AP4E1: variants seen among roughly 807,000 people sequenced by gnomAD.
AP4E1 encodes adaptor related protein complex 4 subunit epsilon 1.
Under a neutral mutation model 128.2 loss-of-function variants are expected in AP4E1, and 56 were observed. The observed-to-expected ratio is 0.44, with a 90% CI of 0.35 to 0.55. AP4E1 has a LOEUF of 0.55. Among genes scored for constraint, AP4E1 ranks in the 20% least tolerant of loss-of-function variants. The probability of loss-of-function intolerance (pLI) is 0.00; values close to 1 mark genes in which losing one functional copy is unlikely to be tolerated. For synonymous variants in AP4E1, 484 were observed against 473.1 expected, an observed-to-expected ratio of 1.02 and a Z score of -0.30; for missense variants, 1,324 against 1,307.7, an observed-to-expected ratio of 1.01 and a Z score of -0.19.
rs1009423198 is a variant in AP4E1, at chr15:51,005,200, G to C, written c.*2538G>C. ...TGCGCCCGGCCAAATTATTTTTGTGGGTAGATTCATTCTCTTTACCTAATA... is the reference window on the plus strand; with the variant it reads ...TGCGCCCGGCCAAATTATTTTTGTGCGTAGATTCATTCTCTTTACCTAATA... On this transcript the variant is annotated 3_prime_UTR_variant, in exon 21 of 21. Transcript: ENST00000261842. The C allele has an allele frequency of 6.6e-6, 1 of 152,250 alleles. No individual in the cohort carries two copies. Among genetic ancestry groups the C allele is most frequent in the Admixed American group, 6.6e-5 (1 of 15,266 alleles). The allele number at this position is 152,250 out of a possible 1,614,324, so 9.4% of individuals were successfully genotyped here.
intron 3 of AP4E1, among the ~76,000 whole-genome samples, chr15:50,916,863 T>C (rs2063637223): frequency 6.6e-6 from 1 of 152,230 alleles, no homozygotes; most frequent in Non-Finnish European, 1.5e-5. Flanking sequence ...ATTAATGTCT[T>C]AGCTCCTGAA....
chr15:50,957,385 C>T (rs2064238703), intron 13 of AP4E1, among the ~76,000 whole-genome samples: 1 of 152,146 alleles, frequency 6.6e-6, no homozygotes, highest in Non-Finnish European at 1.5e-5. Flanking sequence ...CATCCAGCTG[C>T]TTCTTCCTCT....
At chr15:50,945,699 A>C in intron 10 of AP4E1, 1 of 785,880 alleles carries the variant, frequency 1.3e-6, no homozygotes, top group Non-Finnish European at 2.3e-6. Context: ...GATCTGATGA[A>C]ATGAACATTT....
chr15:50,952,897 C>G (rs929296324), intron 13 of AP4E1, among the ~76,000 whole-genome samples: 2 of 152,036 alleles, frequency 1.3e-5, no homozygotes, highest in African/African-American at 4.8e-5. Flanking sequence ...ATCAGTTTGT[C>G]CACTTATTGG....
intron 3 of AP4E1, among the ~76,000 whole-genome samples, chr15:50,917,852 C>A (rs2063648631): frequency 6.6e-6 from 1 of 152,190 alleles, no homozygotes; most frequent in African/African-American, 2.4e-5. Context: ...GTAATCCCAG[C>A]ACTTTGGGAG....
chr15:50,925,289 T>C (rs1226039804), intron 5 of AP4E1, 70 bp downstream of exon 5: 2 of 1,495,420 alleles, frequency 1.3e-6, no homozygotes, highest in African/African-American at 1.4e-5. Context: ...CTAGAAAATT[T>C]ATTACAACTT....
chr15:50,917,736 A>C (rs1310888664), intron 3 of AP4E1, among the ~76,000 whole-genome samples: 1 of 152,206 alleles, frequency 6.6e-6, no homozygotes, highest in African/African-American at 2.4e-5. Flanking sequence ...ATTCATACTT[A>C]CAGATGAATA....
chr15:50,999,924 A>G (rs2064937793), intron 19 of AP4E1, among the ~76,000 whole-genome samples: 1 of 143,508 alleles, frequency 7.0e-6, no homozygotes, highest in South Asian at 2.2e-4. Context: ...AGTTTTTACC[A>G]TTATACTGGG....
intron 10 of AP4E1, among the ~76,000 whole-genome samples, chr15:50,943,028 C>T (rs912183346): frequency 1.3e-5 from 2 of 152,054 alleles, no homozygotes; most frequent in African/African-American, 4.8e-5. Flanking sequence ...AGTTTTTCAA[C>T]TCATTCCTTT....
intron 8 of AP4E1, among the ~76,000 whole-genome samples, chr15:50,940,798 G>T (rs567493120): frequency 6.6e-6 from 1 of 151,986 alleles, no homozygotes; most frequent in South Asian, 2.1e-4. Context: ...TGAGACTTTC[G>T]AATGTATCAG....
At chr15:50,941,629 T>C in intron 9 of AP4E1, 37 bp from the exon 10 acceptor site, 1 of 1,611,992 alleles carries the variant, frequency 6.2e-7, no homozygotes, top group Admixed American at 1.7e-5. Flanking sequence ...TGTGTATTTG[T>C]TTCAATTCAC....
intron 14 of AP4E1, among the ~76,000 whole-genome samples, chr15:50,961,225 G>A (rs931466276): frequency 3.3e-5 from 5 of 151,974 alleles, no homozygotes; most frequent in South Asian, 2.1e-4. Context: ...CAAAAAAATC[G>A]AAGAGGAGGA....
At chr15:50,915,239 A>C (rs1479482848) in intron 2 of AP4E1, among the ~76,000 whole-genome samples, 1 of 152,232 alleles carries the variant, frequency 6.6e-6, no homozygotes, top group East Asian at 1.9e-4. Context: ...AAATAGTGAA[A>C]TAATTTTACT....
At chr15:50,916,231 A>C (rs1326851544) in intron 3 of AP4E1, among the ~76,000 whole-genome samples, 1 of 152,162 alleles carries the variant, frequency 6.6e-6, no homozygotes, top group African/African-American at 2.4e-5. Context: ...CGCCTGGTCA[A>C]TAGAGCTGAT....
intron 14 of AP4E1, among the ~76,000 whole-genome samples, chr15:50,960,607 A>T: frequency 6.6e-6 from 1 of 152,122 alleles, no homozygotes; most frequent in Non-Finnish European, 1.5e-5. Flanking sequence ...CAACTTACCA[A>T]AACCTATGTA....
In AP4E1 at chr15:51,005,670, T is replaced by C. The variant is rs1476762580; in HGVS notation, c.*3008T>C. The C allele has an allele frequency of 6.5e-6, 1 of 152,676 alleles. No homozygotes were observed. The highest frequency in any genetic ancestry group is 1.5e-5 in the Non-Finnish European group (1 of 68,046). 9.5% of individuals were successfully genotyped at this position (152,676 alleles called of 1,614,324 possible). On this transcript the variant is annotated 3_prime_UTR_variant, in exon 21 of 21. Coordinates refer to ENST00000261842, the MANE Select transcript of AP4E1 (RefSeq NM_007347.5). ...CAATATTTTAAAATATTGATCTGTT[T>C]ATCTTATATTTTTATGGATAAATGT...
At chr15:50,998,692 C>G (rs2064915605) in intron 18 of AP4E1, among the ~76,000 whole-genome samples, 1 of 152,036 alleles carries the variant, frequency 6.6e-6, no homozygotes, top group African/African-American at 2.4e-5. Context: ...GTTGCTTTAA[C>G]TCTACCACCA....
At chr15:50,957,671 CTTT>C (rs61656848) in intron 13 of AP4E1, among the ~76,000 whole-genome samples, 1 of 88,006 alleles carries the variant, frequency 1.1e-5, no homozygotes, top group Non-Finnish European at 2.1e-5. Context: ...ACAAGCGTTT[CTTT>C]TTTTTTTTTT....
chr15:50,997,188 G>T (rs1261033946), intron 17 of AP4E1, 138 bp from the exon 18 acceptor site: 3 of 739,748 alleles, frequency 4.1e-6, no homozygotes, highest in Non-Finnish European at 4.1e-6. Flanking sequence ...ATTTATCTCT[G>T]ATTCTTTACT....
Sources: gnomAD v4.1 joint callset for allele counts (sites outside exome capture counted in the v4.1 genomes callset) on GRCh38, gnomAD v4.1.1 for gene constraint, MANE v1.5 for transcripts, NCBI Gene and HGNC (gene_info 2026-07-23, HGNC 2026-07-21) for gene names.